The following STARD6 variants were observed in gnomAD, a reference collection of about 807,000 sequenced individuals.
STARD6 encodes stAR-related lipid transfer protein 6.
STARD6 carries 21 observed loss-of-function variants against 22.3 expected under a neutral mutation model. The ratio of observed to expected loss-of-function variants is 0.94; its 90% CI spans 0.67 to 1.35. The LOEUF is 1.35. Ranked by LOEUF, STARD6 falls within the 40% of genes most tolerant of loss-of-function variation. The pLI, the probability that STARD6 is intolerant of heterozygous loss-of-function variation, is 0.00. For synonymous variants in STARD6, 80 were observed against 88.1 expected, an observed-to-expected ratio of 0.91 and a Z score of 0.52; for missense variants, 269 against 266.9, an observed-to-expected ratio of 1.01 and a Z score of -0.05.
intron 4 of STARD6, among the ~76,000 whole-genome samples, chr18:54,339,118 C>G (rs1428313242): frequency 1.4e-5 from 1 of 71,650 alleles, no homozygotes; most frequent in South Asian, 4.4e-4. Context: ...AAAGAACTAA[C>G]GAAAGCAGGA....
At chr18:54,343,571 GCCGC>G (rs1456908393) in intron 4 of STARD6, among the ~76,000 whole-genome samples, 2 of 48,818 alleles carry the variant, frequency 4.1e-5, no homozygotes, top group Non-Finnish European at 7.7e-5. Flanking sequence ...CGCCCGGCCA[GCCGC>G]CCCGTCTGGG....
intron 5 of STARD6, among the ~76,000 whole-genome samples, chr18:54,336,400 A>G (rs1162562462): frequency 6.6e-6 from 1 of 152,126 alleles, no homozygotes; most frequent in African/African-American, 2.4e-5. Context: ...CCTGCTGCCC[A>G]GTGAAGAAGG....
chr18:54,343,346 A>C (rs2088996989), intron 4 of STARD6, among the ~76,000 whole-genome samples: 1 of 142,122 alleles, frequency 7.0e-6, no homozygotes, highest in African/African-American at 2.7e-5. Context: ...TCCGCCCGGC[A>C]GCCACCCCGT....
In STARD6 at chr18:54,329,451, T is replaced by G; in HGVS notation, c.386-11A>C. 1 of 1,572,410 alleles carries G rather than the reference T, an allele frequency of 6.4e-7. No individual in the cohort carries two copies. The highest frequency in any genetic ancestry group is 8.6e-7 in the Non-Finnish European group (1 of 1,161,862). On this transcript the variant is annotated splice_polypyrimidine_tract_variant and intron_variant, in intron 6 of 7. Transcript: ENST00000307844. ...AATCCACACTTTTAGCTAAGAGATT[T>G]TAAAAAATTAAAATGAAACCTATTC...
chr18:54,330,742 T>C lies in STARD6; in HGVS notation c.385+1000A>G, dbSNP rs73469907. 6.3e-3 allele frequency among the ~76,000 whole-genome samples: 956 copies of C among 152,254 alleles called. 9 individuals are homozygous for C. The highest frequency in any genetic ancestry group is 0.022 in the African/African-American group (921 of 41,576). ...TTGTTGATTTTAACCTCTACTTCTT[T>C]TTTTAGCTTCCCTCTGATCACTAAT... is the stretch of plus-strand genomic sequence containing the variant. On this transcript the variant is annotated intron_variant, in intron 6 of 7. Coordinates refer to ENST00000307844, the MANE Select transcript of STARD6 (RefSeq NM_139171.2).
chr18:54,337,342 T>C, intron 4 of STARD6, 91 bp from the exon 5 acceptor site: 1 of 1,218,196 alleles, frequency 8.2e-7, no homozygotes, highest in Non-Finnish European at 1.1e-6. Context: ...GGTAGGCTAA[T>C]TTAGCAAACA....
intron 4 of STARD6, among the ~76,000 whole-genome samples, chr18:54,351,773 C>T (rs1442248768): frequency 6.6e-6 from 1 of 151,812 alleles, no homozygotes; most frequent in Non-Finnish European, 1.5e-5. Context: ...TTAAACCATC[C>T]CCACATCCTG....
intron 4 of STARD6, among the ~76,000 whole-genome samples, chr18:54,341,292 C>A (rs1054652641): frequency 1.3e-5 from 2 of 152,322 alleles, no homozygotes; most frequent in African/African-American, 4.8e-5. Flanking sequence ...ATCTCCCGAC[C>A]TCATGATCCG....
chr18:54,334,601 C>A (rs1347998415), intron 5 of STARD6, among the ~76,000 whole-genome samples: 1 of 151,902 alleles, frequency 6.6e-6, no homozygotes, highest in East Asian at 1.9e-4. Context: ...TTTGCATTTG[C>A]TTTACCCTGT....
Position 54,327,628 on chromosome 18 carries a change from G to A in STARD6, c.479+1719C>T, listed in dbSNP as rs1016552269. ...AAATGTCAATGTTTAGCGCATGCTG[G>A]GAATTGTACTTTTCATCAACGTAAT... On this transcript the variant is annotated intron_variant, in intron 7 of 7. Transcript: ENST00000307844. Among the ~76,000 whole-genome samples the A allele has an allele frequency of 2.6e-5, 4 of 151,984 alleles. No homozygotes were observed. The East Asian group carries it at 5.8e-4, about 22-fold the overall frequency.
At chr18:54,338,260 G>A (rs1001361561) in intron 4 of STARD6, among the ~76,000 whole-genome samples, 1 of 152,202 alleles carries the variant, frequency 6.6e-6, no homozygotes, top group African/African-American at 2.4e-5. Flanking sequence ...CCTCTGAGGA[G>A]TGACTGGTGA....
chr18:54,350,981 A>C (rs1014623487), intron 4 of STARD6, among the ~76,000 whole-genome samples: 4 of 152,132 alleles, frequency 2.6e-5, no homozygotes, highest in East Asian at 1.9e-4. Context: ...TTTTGGTTCC[A>C]TACGAATTTT....
At chr18:54,348,595 T>A (rs2089061471) in intron 4 of STARD6, among the ~76,000 whole-genome samples, 1 of 152,120 alleles carries the variant, frequency 6.6e-6, no homozygotes, top group Non-Finnish European at 1.5e-5. Context: ...AAAATGGGGA[T>A]AATAACAGTG....
intron 6 of STARD6, 107 bp downstream of exon 6, chr18:54,331,635 A>G (rs2088865534): frequency 2.5e-6 from 2 of 809,664 alleles, no homozygotes; most frequent in South Asian, 1.9e-5. Flanking sequence ...AGTAAATTTA[A>G]AAAGGAAATA....
At chr18:54,328,297 C>T (rs2088840168) in intron 7 of STARD6, among the ~76,000 whole-genome samples, 1 of 152,160 alleles carries the variant, frequency 6.6e-6, no homozygotes, top group African/African-American at 2.4e-5. Flanking sequence ...TGCACTTCTA[C>T]ATTGACAAGG....
chr18:54,345,383 GA>G (rs2089024812), intron 4 of STARD6, among the ~76,000 whole-genome samples: 1 of 152,114 alleles, frequency 6.6e-6, no homozygotes, highest in South Asian at 2.1e-4. Context: ...GACATATACT[GA>G]AACTTATAAA....
intron 4 of STARD6, among the ~76,000 whole-genome samples, chr18:54,350,334 G>T (rs1225787127): frequency 1.3e-5 from 2 of 151,860 alleles, no homozygotes; most frequent in African/African-American, 2.4e-5. Context: ...GGGATTATTT[G>T]TTTTTTTCTT....
At chr18:54,357,131 A>T (rs560111418) in intron 1 of STARD6, 1 of 152,412 alleles carries the variant, frequency 6.6e-6, no homozygotes, top group Non-Finnish European at 1.5e-5. Flanking sequence ...TCATAGGGTC[A>T]GTGGAAAATA....
intron 6 of STARD6, among the ~76,000 whole-genome samples, chr18:54,329,861 T>G (rs951495799): frequency 6.6e-6 from 1 of 151,652 alleles, no homozygotes; most frequent in African/African-American, 2.4e-5. Flanking sequence ...TTCATAGATT[T>G]TTGTGTTAAT....
Sources: allele counts gnomAD v4.1 joint callset (sites outside exome capture counted in the v4.1 genomes callset), GRCh38; gene constraint gnomAD v4.1.1; transcripts MANE v1.5; gene names NCBI Gene and HGNC (gene_info 2026-07-23, HGNC 2026-07-21).